FAM135A: variants seen among roughly 807,000 people sequenced by gnomAD.
FAM135A encodes protein FAM135A.
In FAM135A, 79 loss-of-function variants were observed where a neutral mutation model predicts 146.8. The observed-to-expected ratio is 0.54, with a 90% CI of 0.45 to 0.65. The LOEUF is 0.65. Ranked by LOEUF, FAM135A falls within the 30% of genes least tolerant of loss-of-function variation. The pLI is 0.00. For synonymous variants in FAM135A, 562 were observed against 603.6 expected, an observed-to-expected ratio of 0.93 and a Z score of 1.01; for missense variants, 1,623 against 1,758.2, an observed-to-expected ratio of 0.92 and a Z score of 1.38.
chr6:70,493,564 G>A (rs1180088411), intron 11 of FAM135A, among the ~76,000 whole-genome samples: 1 of 152,130 alleles, frequency 6.6e-6, no homozygotes, highest in Non-Finnish European at 1.5e-5. Context: ...CTCATACCTT[G>A]TATGTCTTTT....
chr6:70,439,684 CTT>C (rs1288067511), intron 4 of FAM135A, among the ~76,000 whole-genome samples: 2 of 152,182 alleles, frequency 1.3e-5, no homozygotes, highest in Non-Finnish European at 2.9e-5. Context: ...CTCCTATACT[CTT>C]TTGTTTCATG....
At chr6:70,539,944 C>T (rs999178504) in intron 20 of FAM135A, among the ~76,000 whole-genome samples, 3 of 152,070 alleles carry the variant, frequency 2.0e-5, no homozygotes, top group African/African-American at 4.8e-5. Flanking sequence ...TGCAGTGAGC[C>T]GCGATCATGC....
chr6:70,538,681 T>G (rs1029524254), intron 20 of FAM135A, among the ~76,000 whole-genome samples: 1 of 151,810 alleles, frequency 6.6e-6, no homozygotes, highest in Non-Finnish European at 1.5e-5. Flanking sequence ...GTGCCAGTTT[T>G]GTTAGTCTAT....
At position 70,521,082 on chromosome 6, in the gene FAM135A, C is replaced by T. The variant is rs182608991; in HGVS notation, c.1030-1431C>T. 5.5e-4 allele frequency among the ~76,000 whole-genome samples: 83 copies of T among 152,198 alleles called. 3 individuals are homozygous for T. The East Asian group carries it at 0.014, about 26-fold the overall frequency. On this transcript the variant is annotated intron_variant, in intron 12 of 21. Transcript: ENST00000418814. Reference sequence around the variant, plus strand: ...CCTATTAAATGAAGATAATATCATCCTAGAGGTTTTTTTTTGTTTGTTTTT... The same window carrying T: ...CCTATTAAATGAAGATAATATCATCTTAGAGGTTTTTTTTTGTTTGTTTTT...
At chr6:70,462,511 A>G (rs926070269) in intron 5 of FAM135A, among the ~76,000 whole-genome samples, 6 of 152,160 alleles carry the variant, frequency 3.9e-5, no homozygotes, top group African/African-American at 1.4e-4. Context: ...AAATTTCACA[A>G]AAATTCAAAT....
chr6:70,529,026 T>G (rs1795274963), intron 16 of FAM135A, among the ~76,000 whole-genome samples: 1 of 149,700 alleles, frequency 6.7e-6, no homozygotes, highest in Non-Finnish European at 1.5e-5. Context: ...CTCAGTGGAT[T>G]TTTTTTTTTA....
chr6:70,537,971 T>C (rs908549885), intron 19 of FAM135A, among the ~76,000 whole-genome samples: 5 of 151,512 alleles, frequency 3.3e-5, no homozygotes, highest in African/African-American at 1.2e-4. Flanking sequence ...TCTTCTTCTT[T>C]ATCATTTGAA....
Position 70,475,426 on chromosome 6 carries a change from T to C in FAM135A, c.174T>C (p.Phe58=). 1 of 1,589,436 alleles carries C rather than the reference T, an allele frequency of 6.3e-7. No individual in the cohort carries two copies. The highest frequency in any genetic ancestry group is 2.3e-5 in the East Asian group (1 of 44,348). ...LLHATGMTLA[F]PASVHDSLIC... ...CTGTTTTAGGTATGACTTTAGCCTTTCCAGCCTCAGTTCATGATTCTCTAA... is the reference window on the plus strand; with the variant it reads ...CTGTTTTAGGTATGACTTTAGCCTTCCCAGCCTCAGTTCATGATTCTCTAA... The change falls in exon 6 of 22, where the codon TTT becomes TTC. Residue 58 remains phenylalanine (F), a synonymous_variant. Transcript: ENST00000418814.
chr6:70,427,096 AG>A (rs1422146313), intron 3 of FAM135A, among the ~76,000 whole-genome samples: 2 of 152,212 alleles, frequency 1.3e-5, no homozygotes, highest in Non-Finnish European at 2.9e-5. Context: ...CTTACTTAAC[AG>A]TCCAAGAAGT....
At chr6:70,450,758 T>TTTTTTTTTTTTTTTC (rs1776898171) in intron 4 of FAM135A, among the ~76,000 whole-genome samples, 1 of 120,544 alleles carries the variant, frequency 8.3e-6, no homozygotes, top group Middle Eastern at 4.1e-3. Flanking sequence ...TTTTTTTTTT[T>TTTTTTTTTTTTTTTC]GAGTCAGAGT....
intron 11 of FAM135A, among the ~76,000 whole-genome samples, chr6:70,498,082 C>T (rs931124059): frequency 1.3e-5 from 2 of 152,098 alleles, no homozygotes; most frequent in South Asian, 2.1e-4. Flanking sequence ...TAGTAGAATT[C>T]GGCTGTGAAT....
At chr6:70,475,325 C>A in intron 5 of FAM135A, 85 bp from the exon 6 acceptor site, 3 of 1,105,322 alleles carry the variant, frequency 2.7e-6, no homozygotes, top group Non-Finnish European at 3.8e-6. Flanking sequence ...TATAATCAAA[C>A]ATACAGTATT....
intron 5 of FAM135A, among the ~76,000 whole-genome samples, chr6:70,453,213 T>C (rs1015929892): frequency 6.6e-6 from 1 of 152,102 alleles, no homozygotes; most frequent in African/African-American, 2.4e-5. Context: ...TTCTAAAGAG[T>C]TATTATGTAA....
At chr6:70,430,052 G>A (rs547381617) in intron 4 of FAM135A, among the ~76,000 whole-genome samples, 2 of 152,232 alleles carry the variant, frequency 1.3e-5, no homozygotes, top group South Asian at 4.1e-4. Context: ...ATAGAGAGCA[G>A]AAGGCCGGGT....
chr6:70,454,596 G>A (rs1321701179), intron 5 of FAM135A, among the ~76,000 whole-genome samples: 1 of 152,164 alleles, frequency 6.6e-6, no homozygotes, highest in African/African-American at 2.4e-5. Flanking sequence ...AAGGTGTAAG[G>A]AAGGGGTCCA....
intron 11 of FAM135A, among the ~76,000 whole-genome samples, chr6:70,498,851 T>C (rs1787900973): frequency 6.6e-6 from 1 of 152,246 alleles, no homozygotes; most frequent in African/African-American, 2.4e-5. Flanking sequence ...CTGTTTATTA[T>C]GATTTCCATT....
At chr6:70,551,057 C>T (rs985525962) in intron 20 of FAM135A, among the ~76,000 whole-genome samples, 16 of 152,222 alleles carry the variant, frequency 1.1e-4, no homozygotes, top group African/African-American at 3.9e-4. Context: ...CTGGATTAAG[C>T]TTTGGCTAAG....
At position 70,525,337 on chromosome 6, in the gene FAM135A, T is replaced by C. The variant is rs750034404; in HGVS notation, c.2253T>C (p.Asp751=). The part of the protein sequence containing the change: ...TKEYHVVVSG[D]TIKLPDISAT... ...AATATCATGTTGTAGTAAGTGGAGA[T>C]ACAATTAAGTTACCAGATATTAGTG... Residue 751 remains aspartate (D), a synonymous_variant, in exon 15 of 22, where the codon GAT becomes GAC. Coordinates refer to ENST00000418814, the MANE Select transcript of FAM135A (RefSeq NM_001162529.3). 29 of 1,613,026 alleles carry C rather than the reference T, an allele frequency of 1.8e-5. No homozygotes were observed. In the South Asian group the frequency reaches 2.4e-4, roughly 13 times the overall value.
At chr6:70,478,195 G>A (rs1015071756) in intron 8 of FAM135A, among the ~76,000 whole-genome samples, 5 of 151,974 alleles carry the variant, frequency 3.3e-5, no homozygotes, top group Admixed American at 6.6e-5. Flanking sequence ...ATAATATTCT[G>A]GATCATAATA....
Sources: allele counts gnomAD v4.1 joint callset (sites outside exome capture counted in the v4.1 genomes callset), GRCh38; gene constraint gnomAD v4.1.1; transcripts MANE v1.5; gene names NCBI Gene and HGNC (gene_info 2026-07-23, HGNC 2026-07-21).